MRPS28: variants seen among roughly 807,000 people sequenced by gnomAD.
MRPS28 encodes mitochondrial ribosomal protein S28.
MRPS28 carries 7 observed loss-of-function variants against 10.8 expected under a neutral mutation model. That is an observed-to-expected ratio of 0.65 (90% CI 0.37 to 1.22). The LOEUF is 1.22. Among genes scored for constraint, MRPS28 ranks in the 50% most tolerant of loss-of-function variants. The pLI is 0.02. For missense variants in MRPS28, 265 were observed against 232.9 expected, an observed-to-expected ratio of 1.14 and a Z score of -0.90; for synonymous variants, 121 against 93.3, an observed-to-expected ratio of 1.30 and a Z score of -1.71.
intron 2 of MRPS28, among the ~76,000 whole-genome samples, chr8:79,989,676 A>G (rs1434626461): frequency 6.6e-6 from 1 of 152,206 alleles, no homozygotes; most frequent in Non-Finnish European, 1.5e-5. Context: ...TGGTACAAAC[A>G]TAACTGCAGT....
At chr8:80,004,033 C>T (rs1808748804) in intron 1 of MRPS28, among the ~76,000 whole-genome samples, 1 of 152,220 alleles carries the variant, frequency 6.6e-6, no homozygotes. Context: ...GGAGGCCTGC[C>T]TGCCTCTGTA....
chr8:79,993,454 C>T (rs1808418512), intron 2 of MRPS28, among the ~76,000 whole-genome samples: 1 of 152,104 alleles, frequency 6.6e-6, no homozygotes, highest in African/African-American at 2.4e-5. Flanking sequence ...TCCAATACAA[C>T]AAATCAATCC....
chr8:79,934,665 T>C (rs1028249685), intron 2 of MRPS28, among the ~76,000 whole-genome samples: 7 of 152,220 alleles, frequency 4.6e-5, no homozygotes, highest in African/African-American at 1.7e-4. Flanking sequence ...GATTTATATA[T>C]ATGTTAAACA....
intron 2 of MRPS28, among the ~76,000 whole-genome samples, chr8:79,954,241 T>A (rs1411693851): frequency 6.6e-6 from 1 of 152,050 alleles, no homozygotes; most frequent in Admixed American, 6.6e-5. Flanking sequence ...AACATAAAAA[T>A]TAAACCATAA....
At chr8:79,953,475 C>G (rs936702726) in intron 2 of MRPS28, among the ~76,000 whole-genome samples, 1 of 152,084 alleles carries the variant, frequency 6.6e-6, no homozygotes, top group African/African-American at 2.4e-5. Context: ...GAAGGACAGT[C>G]TTTTTCATAA....
chr8:80,009,640 T>C (rs1175295882), intron 1 of MRPS28, among the ~76,000 whole-genome samples: 1 of 151,030 alleles, frequency 6.6e-6, no homozygotes, highest in Non-Finnish European at 1.5e-5. Flanking sequence ...AAGAAAGAAA[T>C]TAGGCATCTA....
chr8:80,004,373 CAG>C (rs1485296440), intron 1 of MRPS28, among the ~76,000 whole-genome samples: 1 of 152,212 alleles, frequency 6.6e-6, no homozygotes, highest in Admixed American at 6.5e-5. Flanking sequence ...CCCAGGCAAA[CAG>C]GGTCTGGAGT....
intron 2 of MRPS28, among the ~76,000 whole-genome samples, chr8:79,952,122 C>T (rs991216688): frequency 1.3e-5 from 2 of 152,166 alleles, no homozygotes; most frequent in African/African-American, 2.4e-5. Context: ...TTGAATCCCC[C>T]TTCCTCCAAG....
rs539179785 is a variant in MRPS28, at chr8:79,942,522, A to C, written c.396-23374T>G. Among the ~76,000 whole-genome samples, 29 of 152,318 alleles carry C rather than the reference A, an allele frequency of 1.9e-4. 2 individuals carry two copies. In the South Asian group the frequency reaches 5.8e-3, roughly 31 times the overall value. ...CCAACTTCAGGCAATATTTGTATCCATGTGATTCCATAAAACTAGCTTATT... is the reference window on the plus strand; with the variant it reads ...CCAACTTCAGGCAATATTTGTATCCCTGTGATTCCATAAAACTAGCTTATT... On this transcript the variant is annotated intron_variant, in intron 2 of 2. Coordinates refer to ENST00000276585, the MANE Select transcript of MRPS28 (RefSeq NM_014018.3).
rs1393019337 is a variant in MRPS28 at position 79,983,947 on chromosome 8, A to C, written c.395+19052T>G. ...AACGCCACAAAGATACTCCTCGAGA[A>C]GAGCAACTCCAAGACACATAATTGT... On this transcript the variant is annotated intron_variant, in intron 2 of 2. Coordinates refer to ENST00000276585, the MANE Select transcript of MRPS28 (RefSeq NM_014018.3). Among the ~76,000 whole-genome samples, 3 of 152,210 alleles carry C rather than the reference A, an allele frequency of 2.0e-5. No homozygotes were observed. In the East Asian group the frequency reaches 5.8e-4, roughly 29 times the overall value.
At chr8:79,987,056 T>C (rs1187643131) in intron 2 of MRPS28, among the ~76,000 whole-genome samples, 1 of 151,776 alleles carries the variant, frequency 6.6e-6, no homozygotes, top group Non-Finnish European at 1.5e-5. Flanking sequence ...CAAAACAGCA[T>C]GGTACTGGTA....
At chr8:79,965,168 CATTA>C (rs1807473318) in intron 2 of MRPS28, among the ~76,000 whole-genome samples, 1 of 152,046 alleles carries the variant, frequency 6.6e-6, no homozygotes, top group African/African-American at 2.4e-5. Flanking sequence ...CAATAACAAA[CATTA>C]ATTAACTGCT....
intron 2 of MRPS28, among the ~76,000 whole-genome samples, chr8:79,958,916 T>C (rs978894904): frequency 5.3e-5 from 8 of 152,154 alleles, no homozygotes; most frequent in Admixed American, 1.3e-4. Context: ...GTACCAACAC[T>C]GCCTTAAAGA....
chr8:80,008,817 A>G (rs1019817239), intron 1 of MRPS28, among the ~76,000 whole-genome samples: 14 of 152,228 alleles, frequency 9.2e-5, no homozygotes, highest in Non-Finnish European at 1.5e-4. Flanking sequence ...ACACTTTTAC[A>G]CTGTTGGTGG....
At chr8:79,937,458 CAA>C (rs1399864687) in intron 2 of MRPS28, among the ~76,000 whole-genome samples, 1 of 152,066 alleles carries the variant, frequency 6.6e-6, no homozygotes, top group Admixed American at 6.5e-5. Flanking sequence ...AATTACAGCT[CAA>C]AAAGTTTCAT....
At chr8:79,994,163 C>T (rs1808436296) in intron 2 of MRPS28, among the ~76,000 whole-genome samples, 1 of 152,030 alleles carries the variant, frequency 6.6e-6, no homozygotes, top group Non-Finnish European at 1.5e-5. Context: ...TTACAACTCT[C>T]GAAAAATCAA....
chr8:80,013,634 C>CAAAAAAAA (rs5892700), intron 1 of MRPS28, among the ~76,000 whole-genome samples: 4 of 75,612 alleles, frequency 5.3e-5, no homozygotes, highest in Non-Finnish European at 7.5e-5. Context: ...GACTCCATCT[C>CAAAAAAAA]AAAAAAAAAA....
chr8:79,947,328 T>C (rs2129954837), intron 2 of MRPS28, among the ~76,000 whole-genome samples: 1 of 152,346 alleles, frequency 6.6e-6, no homozygotes, highest in African/African-American at 2.4e-5. Flanking sequence ...ACTGTATTGT[T>C]ACAATTTTAC....
chr8:79,980,287 G>A (rs990083325), intron 2 of MRPS28, among the ~76,000 whole-genome samples: 1 of 152,128 alleles, frequency 6.6e-6, no homozygotes, highest in African/African-American at 2.4e-5. Flanking sequence ...GTTAGGAGTA[G>A]AGCCAGGATT....
Sources: gnomAD v4.1 joint callset for allele counts (sites outside exome capture counted in the v4.1 genomes callset) on GRCh38, gnomAD v4.1.1 for gene constraint, MANE v1.5 for transcripts, NCBI Gene and HGNC (gene_info 2026-07-23, HGNC 2026-07-21) for gene names.